Variants in NRG1 observed in about 807,000 individuals in gnomAD.
The protein encoded by NRG1 is pro-neuregulin-1, membrane-bound isoform.
Under a neutral mutation model 63.8 loss-of-function variants are expected in NRG1, and 18 were observed. The observed-to-expected ratio is 0.28, with a 90% CI of 0.19 to 0.42. NRG1 has a LOEUF of 0.42. Ranked by LOEUF, NRG1 falls within the 10% of genes least tolerant of loss-of-function variation. The pLI is 1.00. For missense variants in NRG1, 762 were observed against 814.7 expected (o/e 0.94, Z 0.79); for synonymous variants, 302 against 301.3 (o/e 1.00, Z -0.02).
chr8:32,418,040 A>G (rs1816179011), intron 1 of NRG1, among the ~76,000 whole-genome samples: 1 of 152,152 alleles, frequency 6.6e-6, no homozygotes, highest in Non-Finnish European at 1.5e-5. Context: ...GCAGAGGGAA[A>G]CAGAGGAAAA....
rs555593883 is a variant in NRG1, at chr8:32,253,551, G to A, written c.38-342277G>A. The stretch of plus-strand genomic sequence containing the variant: ...TCCCAGGGATGAGGCTGACTTGATC[G>A]TGGTGGATAAGCTTTTTGATGTGCT... On this transcript the variant is annotated intron_variant, in intron 1 of 10. Coordinates refer to the NRG1 transcript ENST00000519301. Among the ~76,000 whole-genome samples the A allele has an allele frequency of 9.9e-5, 15 of 152,240 alleles. No homozygotes were observed. In the East Asian group the frequency reaches 1.2e-3, roughly 12 times the overall value.
chr8:31,841,938 T>G (rs1439570274), intron 1 of NRG1, among the ~76,000 whole-genome samples: 1 of 152,214 alleles, frequency 6.6e-6, no homozygotes, highest in East Asian at 1.9e-4. Context: ...CTGCAGAAGC[T>G]TCTCTGGGAG....
At chr8:32,015,530 C>T (rs1306261877) in intron 1 of NRG1, among the ~76,000 whole-genome samples, 3 of 152,112 alleles carry the variant, frequency 2.0e-5, no homozygotes, top group South Asian at 4.1e-4. Flanking sequence ...ATGATATTTC[C>T]TTGGCAAATT....
intron 1 of NRG1, among the ~76,000 whole-genome samples, chr8:32,255,810 C>G (rs1778578448): frequency 6.6e-6 from 1 of 152,194 alleles, no homozygotes; most frequent in Non-Finnish European, 1.5e-5. Context: ...TGTTTTCCAA[C>G]TTGGTTCCAT....
At chr8:31,864,433 CT>C (rs1828764251) in intron 1 of NRG1, among the ~76,000 whole-genome samples, 1 of 152,138 alleles carries the variant, frequency 6.6e-6, no homozygotes, top group African/African-American at 2.4e-5. Context: ...GTCAGGAAGC[CT>C]TTCCTCCAAG....
At chr8:31,639,703 C>A in intron 1 of NRG1, 1 of 1,390,076 alleles carries the variant, frequency 7.2e-7, no homozygotes, top group Non-Finnish European at 9.3e-7. Flanking sequence ...CTGTCACTCC[C>A]TGTAACTGAG....
chr8:32,760,761 G>A lies in NRG1; in HGVS notation c.1259+355G>A, dbSNP rs1454734479. ...GAGAGATGGCATCAATGCTTGATAA[G>A]GACCCTTCTATAATTCCAATTGCCA... On this transcript the variant is annotated intron_variant, in intron 11 of 11. Transcript: ENST00000356819. The A allele has an allele frequency of 3.9e-6, 4 of 1,035,228 alleles. No homozygotes were observed. The African/African-American group carries it at 5.0e-5, about 13-fold the overall frequency. The allele number at this position is 1,035,228 out of a possible 1,614,324, so 64.1% of individuals were successfully genotyped here.
At chr8:32,233,853 T>A (rs1378019924) in intron 1 of NRG1, among the ~76,000 whole-genome samples, 1 of 151,950 alleles carries the variant, frequency 6.6e-6, no homozygotes, top group South Asian at 2.1e-4. Context: ...GTGTGAGCCA[T>A]TGCATCCAGC....
intron 1 of NRG1, among the ~76,000 whole-genome samples, chr8:32,057,968 T>C (rs1236885331): frequency 1.3e-5 from 2 of 152,076 alleles, no homozygotes; most frequent in African/African-American, 4.8e-5. Flanking sequence ...CTATTTTCTA[T>C]CTCAAAATAG....
Position 31,942,911 on chromosome 8 carries a change from G to A in NRG1, c.37+303480G>A, listed in dbSNP as rs116524270. Among the ~76,000 whole-genome samples, 521 of 149,416 alleles carry A rather than the reference G, an allele frequency of 3.5e-3. 2 individuals carry two copies. The highest frequency in any genetic ancestry group is 0.012 in the African/African-American group (501 of 40,870). On this transcript the variant is annotated intron_variant, in intron 1 of 10. Transcript: ENST00000519301. Reference sequence around the variant, plus strand: ...AAACCAACAAAAAATAGTTGTTGGCGTGGATGCAATGAAAAGGGAACACTT... The same window carrying A: ...AAACCAACAAAAAATAGTTGTTGGCATGGATGCAATGAAAAGGGAACACTT...
intron 1 of NRG1, among the ~76,000 whole-genome samples, chr8:32,449,012 C>T (rs1251327962): frequency 6.6e-6 from 1 of 151,966 alleles, no homozygotes; most frequent in Non-Finnish European, 1.5e-5. Flanking sequence ...CCAAAGCCAT[C>T]GGCCGGGCAT....
intron 1 of NRG1, among the ~76,000 whole-genome samples, chr8:31,975,638 C>G (rs1031779632): frequency 8.5e-5 from 13 of 152,074 alleles, no homozygotes; most frequent in Non-Finnish European, 2.9e-5. Flanking sequence ...CAGTCCTGAC[C>G]AAAACTATCT....
At chr8:32,223,625 G>A (rs1846040313) in intron 1 of NRG1, among the ~76,000 whole-genome samples, 1 of 152,178 alleles carries the variant, frequency 6.6e-6, no homozygotes, top group Non-Finnish European at 1.5e-5. Flanking sequence ...CTGATGCACT[G>A]TTGTGTATTT....
intron 1 of NRG1, among the ~76,000 whole-genome samples, chr8:31,822,862 C>T (rs772415749): frequency 6.6e-6 from 1 of 152,158 alleles, no homozygotes; most frequent in African/African-American, 2.4e-5. Context: ...GCAGCACTTT[C>T]AGGCAAGGTT....
intron 1 of NRG1, among the ~76,000 whole-genome samples, chr8:31,655,599 A>T (rs1441234909): frequency 6.6e-6 from 1 of 152,190 alleles, no homozygotes; most frequent in Non-Finnish European, 1.5e-5. Flanking sequence ...AGGATTCCAG[A>T]TTTTATCTTA....
At chr8:31,711,453 T>A (rs1811732762) in intron 1 of NRG1, among the ~76,000 whole-genome samples, 1 of 152,162 alleles carries the variant, frequency 6.6e-6, no homozygotes, top group South Asian at 2.1e-4. Context: ...TATAAGTAAT[T>A]TACTGTTTTT....
At chr8:32,283,052 T>C (rs1853070252) in intron 1 of NRG1, among the ~76,000 whole-genome samples, 2 of 152,168 alleles carry the variant, frequency 1.3e-5, no homozygotes, top group African/African-American at 4.8e-5. Flanking sequence ...TTAGAAGAAA[T>C]ACCAAGCTAA....
exon 12 of NRG1, chr8:32,767,687 T>C (rs1831535633): frequency 6.6e-6 from 1 of 152,172 alleles, no homozygotes; most frequent in African/African-American, 2.4e-5. Flanking sequence ...AAGTTTAAGA[T>C]AAATGTCAAA....
chr8:31,943,966 T>G (rs1438394350), intron 1 of NRG1, among the ~76,000 whole-genome samples: 1 of 152,242 alleles, frequency 6.6e-6, no homozygotes, highest in Non-Finnish European at 1.5e-5. Flanking sequence ...TTCTTATGAC[T>G]ATTACTTGTT....
Sources: gnomAD v4.1 joint callset for allele counts (sites outside exome capture counted in the v4.1 genomes callset) on GRCh38, gnomAD v4.1.1 for gene constraint, MANE v1.5 for transcripts, NCBI Gene and HGNC (gene_info 2026-07-23, HGNC 2026-07-21) for gene names.